STRBP: variants seen among roughly 807,000 people sequenced by gnomAD.
The protein encoded by STRBP is spermatid perinuclear RNA-binding protein.
A neutral mutation model predicts 80.1 loss-of-function variants in STRBP; 13 were observed. That is an observed-to-expected ratio of 0.16 (90% CI 0.11 to 0.26). The LOEUF is 0.26. Ranked by LOEUF, STRBP falls within the 10% of genes least tolerant of loss-of-function variation. The pLI, the probability that STRBP is intolerant of heterozygous loss-of-function variation, is 1.00. For missense variants in STRBP, 485 were observed against 815.2 expected (o/e 0.59, Z 4.93); for synonymous variants, 284 against 291.2 (o/e 0.98, Z 0.25).
chr9:123,186,555 T>A (rs1352562467), intron 2 of STRBP, among the ~76,000 whole-genome samples: 1 of 152,080 alleles, frequency 6.6e-6, no homozygotes, highest in Non-Finnish European at 1.5e-5. Context: ...AAAAAAACTG[T>A]ATCTCTATTC....
chr9:123,264,004 C>T lies in STRBP; in HGVS notation c.-302+4432G>A, dbSNP rs1254629468. ...ACCGTCCTGGCCAACATGGTGAAACCCCGCCTCTACTAAAAATACAAAAAA... is the reference window on the plus strand; with the variant it reads ...ACCGTCCTGGCCAACATGGTGAAACTCCGCCTCTACTAAAAATACAAAAAA... On this transcript the variant is annotated intron_variant, in intron 1 of 18. Coordinates refer to ENST00000348403, the MANE Select transcript of STRBP (RefSeq NM_018387.5). Among the ~76,000 whole-genome samples, 3 of 152,208 alleles carry T rather than the reference C, an allele frequency of 2.0e-5. No homozygotes were observed. The East Asian group carries it at 5.8e-4, about 29-fold the overall frequency.
chr9:123,251,695 A>G (rs1363676591), intron 1 of STRBP, among the ~76,000 whole-genome samples: 1 of 152,234 alleles, frequency 6.6e-6, no homozygotes, highest in Non-Finnish European at 1.5e-5. Context: ...TTACAGTGTA[A>G]AAGTCCTTTG....
At chr9:123,239,071 A>G (rs2040635566) in intron 1 of STRBP, among the ~76,000 whole-genome samples, 1 of 152,138 alleles carries the variant, frequency 6.6e-6, no homozygotes. Context: ...TAAAATAAAC[A>G]TCTTCTTAAT....
chr9:123,170,196 G>A (rs2037948721), intron 5 of STRBP, 150 bp from the exon 6 acceptor site: 1 of 650,692 alleles, frequency 1.5e-6, no homozygotes, highest in Non-Finnish European at 2.4e-6. Flanking sequence ...GTTCTTTACT[G>A]GGGATAACAC....
chr9:123,211,131 A>C (rs2039694295), intron 2 of STRBP, among the ~76,000 whole-genome samples: 1 of 152,256 alleles, frequency 6.6e-6, no homozygotes, highest in Non-Finnish European at 1.5e-5. Context: ...AAACCTGGAA[A>C]ACATGCAAAA....
intron 2 of STRBP, among the ~76,000 whole-genome samples, chr9:123,186,700 A>C (rs1345576454): frequency 2.6e-5 from 4 of 152,160 alleles, no homozygotes; most frequent in Admixed American, 6.5e-5. Flanking sequence ...CCTAAATTAC[A>C]GACCAATGCT....
At chr9:123,205,111 C>G (rs1407943203) in intron 2 of STRBP, among the ~76,000 whole-genome samples, 1 of 151,478 alleles carries the variant, frequency 6.6e-6, no homozygotes, top group Non-Finnish European at 1.5e-5. Context: ...ACTAAAAATA[C>G]AAAAATTAGC....
intron 2 of STRBP, among the ~76,000 whole-genome samples, chr9:123,229,098 T>C (rs1441912545): frequency 6.6e-6 from 1 of 152,200 alleles, no homozygotes; most frequent in Non-Finnish European, 1.5e-5. Flanking sequence ...CCACATATTG[T>C]ATGATTCCAT....
rs1464939845 is a variant in STRBP at position 123,182,206 on chromosome 9, C to A, written c.3+1926G>T. ...CTCCAGCCTGGGCAACAGAGTGAGA[C>A]TCCGTTTCTTTAAAAAAAAAAAAAA... On this transcript the variant is annotated intron_variant, in intron 3 of 18. Coordinates refer to ENST00000348403, the MANE Select transcript of STRBP (RefSeq NM_018387.5). Among the ~76,000 whole-genome samples the A allele has an allele frequency of 2.8e-4, 32 of 113,604 alleles. No homozygotes were observed. In the South Asian group the frequency reaches 8.4e-3, roughly 30 times the overall value. The allele number at this position is 113,604 out of a possible 152,430, so 74.5% of individuals were successfully genotyped here. A position where few individuals can be genotyped will look rare whatever the true frequency, so the allele number is the denominator to read the frequency against.
At chr9:123,119,945 C>T (rs550165923), downstream of STRBP, among the ~76,000 whole-genome samples, 6 of 152,216 alleles carry the variant, frequency 3.9e-5, no homozygotes, top group Admixed American at 6.5e-5. Flanking sequence ...CTCCAAAGAT[C>T]GCTGCTTCAA....
intron 16 of STRBP, 29 bp from the exon 17 acceptor site, chr9:123,132,997 A>G: frequency 6.2e-7 from 1 of 1,606,368 alleles, no homozygotes; most frequent in Non-Finnish European, 8.5e-7. Context: ...TTCATTACTG[A>G]AAGAAATAAG....
intron 13 of STRBP, among the ~76,000 whole-genome samples, chr9:123,140,514 A>G (rs1488388360): frequency 6.6e-6 from 1 of 152,154 alleles, no homozygotes; most frequent in Admixed American, 6.5e-5. Flanking sequence ...GAATTGCTTG[A>G]ACCTGGGAGG....
chr9:123,239,825 C>A (rs2040655145), intron 1 of STRBP, among the ~76,000 whole-genome samples: 1 of 152,158 alleles, frequency 6.6e-6, no homozygotes, highest in East Asian at 1.9e-4. Flanking sequence ...TGCAAACTAG[C>A]CACCTGACAC....
rs191747846 is a variant in STRBP at position 123,173,812 on chromosome 9, T to C, written c.255A>G (p.Val85=). The C allele has an allele frequency of 1.7e-4, 270 of 1,611,436 alleles. No homozygotes were observed. Among genetic ancestry groups the C allele is most frequent in the Non-Finnish European group, 1.9e-4 (229 of 1,179,210 alleles). ...CTTTTGCAACCAGGCCAATCCTCAT[T>C]ACACCACACAATGTCCGACCACCTT... ...KDQGGRTLCG[V]MRIGLVAKGL... Residue 85 remains valine, a synonymous_variant, in exon 5 of 19, where the codon GTA becomes GTG. Coordinates refer to ENST00000348403, the MANE Select transcript of STRBP (RefSeq NM_018387.5).
downstream of STRBP, among the ~76,000 whole-genome samples, chr9:123,119,048 G>A (rs901573785): frequency 6.6e-6 from 1 of 152,222 alleles, no homozygotes; most frequent in African/African-American, 2.4e-5. Context: ...CTAATAGGCA[G>A]AAGGGAGGCC....
intron 2 of STRBP, among the ~76,000 whole-genome samples, chr9:123,220,343 T>C (rs1382068620): frequency 6.6e-6 from 1 of 152,202 alleles, no homozygotes; most frequent in Non-Finnish European, 1.5e-5. Flanking sequence ...TTATAGCCTA[T>C]TGCTTCTAGG....
At chr9:123,135,110 A>AC (rs2036298175) in intron 16 of STRBP, among the ~76,000 whole-genome samples, 1 of 152,106 alleles carries the variant, frequency 6.6e-6, no homozygotes. Flanking sequence ...TCTAGAAGGA[A>AC]CCCCCACCAT....
chr9:123,155,875 A>T (rs1188393396), intron 11 of STRBP, among the ~76,000 whole-genome samples: 3 of 152,048 alleles, frequency 2.0e-5, no homozygotes, highest in South Asian at 2.1e-4. Flanking sequence ...TTTAAACGTG[A>T]ATGTCAGGAA....
chr9:123,147,834 T>C lies in STRBP; in HGVS notation c.1082A>G (p.Asp361Gly). The change falls in exon 12 of 19, where the codon GAT becomes GGT. Residue 361 changes from aspartate to glycine, a missense_variant. By Grantham distance (94) the Asp-to-Gly change is moderately conservative (BLOSUM62 -1). Coordinates refer to ENST00000348403, the MANE Select transcript of STRBP (RefSeq NM_018387.5). The stretch of plus-strand genomic sequence containing the variant: ...GGGGTCTTTATCATCCCCTAATCCA[T>C]CTTCAAATGGCCTCTTTAGAGCTGA... ...GSSALKRPFE[D>G]GLGDDKDPNK... 6.2e-7 allele frequency: 1 copy of C among 1,612,970 alleles called. No homozygotes were observed. The highest frequency in any genetic ancestry group is 8.5e-7 in the Non-Finnish European group (1 of 1,179,568).
Sources: allele counts gnomAD v4.1 joint callset (sites outside exome capture counted in the v4.1 genomes callset), GRCh38; gene constraint gnomAD v4.1.1; transcripts MANE v1.5; gene names NCBI Gene and HGNC (gene_info 2026-07-23, HGNC 2026-07-21).